Variants in P3H1 observed in about 807,000 individuals in gnomAD.
P3H1 encodes prolyl 3-hydroxylase 1.
In P3H1, 69 loss-of-function variants were observed where a neutral mutation model predicts 84.0. That is an observed-to-expected ratio of 0.82 (90% CI 0.68 to 1.00). The LOEUF (loss-of-function observed/expected upper bound fraction) is 1.00. Ranked by LOEUF, P3H1 falls within the 50% of genes least tolerant of loss-of-function variation. The probability of loss-of-function intolerance (pLI) is 0.00; values close to 1 mark genes in which losing one functional copy is unlikely to be tolerated. For missense variants in P3H1, 878 were observed against 962.8 expected (o/e 0.91, Z 1.17); for synonymous variants, 366 against 388.8 (o/e 0.94, Z 0.69).
chr1:42,754,942 A>T lies in P3H1; in HGVS notation c.1272T>A (p.Leu424=). Residue 424 remains leucine (L), a synonymous_variant, in exon 8 of 15, where the codon CTT becomes CTA. Coordinates refer to ENST00000296388, the MANE Select transcript of P3H1 (RefSeq NM_022356.4). This position sits in a 1 kb window ranked among gnomAD's most constrained non-coding sequence, Gnocchi z 4.0. Reference sequence around the variant, plus strand: ...CCACAAGGGTCTCGATTTCCTTCATAAGGTTCCCAATCTCCTGGGAGATGC... The same window carrying T: ...CCACAAGGGTCTCGATTTCCTTCATTAGGTTCCCAATCTCCTGGGAGATGC... ...AVRISQEIGN[L]MKEIETLVEE... is the part of the protein sequence containing the mutation. 1 of 1,614,110 alleles carries T rather than the reference A, an allele frequency of 6.2e-7. No individual in the cohort carries two copies. Among genetic ancestry groups the T allele is most frequent in the Non-Finnish European group, 8.5e-7 (1 of 1,180,006 alleles).
At chr1:42,755,903 C>G (rs750210928) in intron 5 of P3H1, among the ~76,000 whole-genome samples, 3 of 152,134 alleles carry the variant, frequency 2.0e-5, no homozygotes, top group Non-Finnish European at 4.4e-5. Flanking sequence ...CATCCCAACC[C>G]CCATTAGTCT....
intron 12 of P3H1, 152 bp from the exon 13 acceptor site, chr1:42,747,950 C>A (rs1651824628): frequency 1.3e-6 from 1 of 784,144 alleles, no homozygotes. Flanking sequence ...ACAAACTCCA[C>A]CTTTCCACTC....
chr1:42,750,744 G>A lies in P3H1; in HGVS notation c.1570-408C>T, dbSNP rs1249591055. 1.4e-4 allele frequency among the ~76,000 whole-genome samples: 20 copies of A among 144,766 alleles called. No individual in the cohort carries two copies. The East Asian group carries it at 1.5e-3, about 11-fold the overall frequency. 95.0% of individuals were successfully genotyped at this position (144,766 alleles called of 152,430 possible). On this transcript the variant is annotated intron_variant, in intron 10 of 14. Transcript: ENST00000296388. ...CCGCCCTGTCCGGGAGGTGAGGGGC[G>A]CCTCTGCCCGGCCGCCCCTACTGGG...
At chr1:42,749,488 C>T (rs1383955190) in intron 11 of P3H1, among the ~76,000 whole-genome samples, 1 of 152,206 alleles carries the variant, frequency 6.6e-6, no homozygotes, top group Non-Finnish European at 1.5e-5. Flanking sequence ...ACCTCCAGGC[C>T]ACTCTCACTT....
In P3H1 at chr1:42,764,911, C is replaced by T. The variant is rs188227276; in HGVS notation, c.465+1596G>A. On this transcript the variant is annotated intron_variant, in intron 1 of 14. Transcript: ENST00000296388. ...GCCTTTCTCTGTTCTCCCTCATGTC[C>T]TCACTCCTCTCTCCACCCCCAGCCT... 1.6e-3 allele frequency among the ~76,000 whole-genome samples: 246 copies of T among 152,186 alleles called. 2 individuals carry two copies. The highest frequency in any genetic ancestry group is 5.7e-3 in the African/African-American group (236 of 41,492).
At chr1:42,757,684 C>G (rs1289454062) in intron 5 of P3H1, 99 bp downstream of exon 5, 1 of 1,567,932 alleles carries the variant, frequency 6.4e-7, no homozygotes, top group African/African-American at 1.4e-5. Flanking sequence ...CTGGCCCCTG[C>G]CCTGCACGCA....
At chr1:42,763,557 A>C (rs1385655440) in intron 1 of P3H1, among the ~76,000 whole-genome samples, 1 of 150,420 alleles carries the variant, frequency 6.6e-6, no homozygotes, top group Non-Finnish European at 1.5e-5. Context: ...CCGTAATCCC[A>C]GCTTCTTGGG....
In P3H1 at chr1:42,766,538, G is replaced by A; in HGVS notation, c.434C>T (p.Pro145Leu). ...EMELEFRKRS[P>L]YNYLQVAYFK... ...GTAGGCGACCTGCAGGTAGTTGTAG[G>A]GGCTCCGCTTGCGGAACTCCAGCTC... The change falls in exon 1 of 15, where the codon CCC becomes CTC. Residue 145 changes from proline to leucine, a missense_variant. Coordinates refer to ENST00000296388, the MANE Select transcript of P3H1 (RefSeq NM_022356.4). 1 of 1,612,162 alleles carries A rather than the reference G, an allele frequency of 6.2e-7. No homozygotes were observed. Among genetic ancestry groups the A allele is most frequent in the Middle Eastern group, 1.7e-4 (1 of 6,056 alleles).
rs1465304227 is a variant in P3H1, at chr1:42,752,567, G to A, written c.1443C>T (p.His481=). Residue 481 remains histidine, a synonymous_variant, in exon 9 of 15, where the codon CAC becomes CAT. Coordinates refer to ENST00000296388, the MANE Select transcript of P3H1 (RefSeq NM_022356.4). ...TCAGTCTCTGCAGCTCCTGACACTCGTGGTCAGAGATTACGCCGTCCATCA... is the reference window on the plus strand; with the variant it reads ...TCAGTCTCTGCAGCTCCTGACACTCATGGTCAGAGATTACGCCGTCCATCA... ...RVVMDGVISD[H]ECQELQRLTN... The A allele has an allele frequency of 1.4e-5, 23 of 1,614,144 alleles. No individual in the cohort carries two copies. Among genetic ancestry groups the A allele is most frequent in the Non-Finnish European group, 1.9e-5 (22 of 1,180,018 alleles).
At chr1:42,756,954 G>C (rs1297835443) in intron 5 of P3H1, among the ~76,000 whole-genome samples, 2 of 152,232 alleles carry the variant, frequency 1.3e-5, no homozygotes, top group African/African-American at 2.4e-5. Flanking sequence ...ACAGAGCTTC[G>C]CCTGGACAGC....
intron 10 of P3H1, chr1:42,751,925 C>T: frequency 5.5e-6 from 2 of 363,422 alleles, no homozygotes; most frequent in Admixed American, 3.8e-5. Flanking sequence ...CGCCCAATAC[C>T]CCTACTATAT....
rs183801655 is a variant in P3H1 at position 42,764,802 on chromosome 1, C to G, written c.465+1705G>C. On this transcript the variant is annotated intron_variant, in intron 1 of 14. Transcript: ENST00000296388. Reference sequence around the variant, plus strand: ...ACTCCCCATCTCTGTACCTCAGTTTCTTTAACTGTAAAATTAGAAATTTTT... The same window carrying G: ...ACTCCCCATCTCTGTACCTCAGTTTGTTTAACTGTAAAATTAGAAATTTTT... Among the ~76,000 whole-genome samples, 61 of 152,292 alleles carry G rather than the reference C, an allele frequency of 4.0e-4. 2 individuals carry two copies. In the Middle Eastern group the frequency reaches 0.027, roughly 68 times the overall value.
intron 7 of P3H1, 55 bp from the exon 8 acceptor site, chr1:42,755,045 C>T (rs768967684): frequency 8.7e-6 from 14 of 1,613,912 alleles, no homozygotes; most frequent in African/African-American, 2.7e-5. Context: ...TGGGCTCCAC[C>T]CCGACTTCCC....
intron 2 of P3H1, 29 bp downstream of exon 2, chr1:42,762,294 A>T (rs373649083): frequency 5.3e-4 from 848 of 1,610,282 alleles, no homozygotes; most frequent in Non-Finnish European, 6.7e-4. Context: ...AAAAGAAAGA[A>T]AGAAAGAAGG....
chr1:42,762,522 T>C (rs1230124407), intron 1 of P3H1, 47 bp from the exon 2 acceptor site: 1 of 1,601,390 alleles, frequency 6.2e-7, no homozygotes, highest in African/African-American at 1.3e-5. Context: ...ATCCAATCTC[T>C]GAACGTTTGT....
intron 11 of P3H1, 125 bp from the exon 12 acceptor site, chr1:42,748,442 G>T (rs1352974251): frequency 8.8e-6 from 7 of 796,080 alleles, no homozygotes; most frequent in South Asian, 4.1e-5. Context: ...AACTAGGGGG[G>T]TGTCTTTGGC....
At chr1:42,747,518 G>T in intron 13 of P3H1, 106 bp from the exon 14 acceptor site, 1 of 1,221,288 alleles carries the variant, frequency 8.2e-7, no homozygotes, top group Non-Finnish European at 1.2e-6. Flanking sequence ...CAGCTCTTCA[G>T]TATGGCTTCC....
chr1:42,758,058 C>G (rs1438410826), intron 4 of P3H1, 136 bp from the exon 5 acceptor site: 1 of 816,132 alleles, frequency 1.2e-6, no homozygotes, highest in Non-Finnish European at 2.2e-6. Flanking sequence ...GTGCCTGCTA[C>G]TTAACATGAT....
At chr1:42,751,091 G>A (rs377241247) in intron 10 of P3H1, among the ~76,000 whole-genome samples, 2 of 135,224 alleles carry the variant, frequency 1.5e-5, no homozygotes, top group East Asian at 2.2e-4. Flanking sequence ...ATTGGGGATG[G>A]GCCATGATGA....
Sources: gnomAD v4.1 joint callset for allele counts (sites outside exome capture counted in the v4.1 genomes callset) on GRCh38, gnomAD v4.1.1 for gene constraint, Gnocchi (gnomAD v3.1) non-coding constraint, MANE v1.5 for transcripts, NCBI Gene and HGNC (gene_info 2026-07-23, HGNC 2026-07-21) for gene names.